The following DST variants were observed in gnomAD, a reference collection of about 807,000 sequenced individuals.
DST encodes dystonin.
DST carries 253 observed loss-of-function variants against 875.2 expected under a neutral mutation model. That is an observed-to-expected ratio of 0.29 (90% confidence interval 0.26 to 0.32). The LOEUF is 0.32. DST is among the 10% of genes least tolerant of loss of function. The probability of loss-of-function intolerance (pLI) is 1.00; values close to 1 mark genes in which losing one functional copy is unlikely to be tolerated. For missense variants in DST, 8,287 were observed against 9,111.6 expected (o/e 0.91, Z 3.68); for synonymous variants, 3,124 against 3,197.1 (o/e 0.98, Z 0.77).
chr6:56,868,196 C>T (rs1013182167), intron 3 of DST, among the ~76,000 whole-genome samples: 2 of 152,070 alleles, frequency 1.3e-5, no homozygotes, highest in African/African-American at 4.8e-5. Flanking sequence ...CTAAACATGG[C>T]ATATAAACAG....
chr6:56,734,925 T>A, intron 5 of DST: 2 of 259,974 alleles, frequency 7.7e-6, no homozygotes, highest in Non-Finnish European at 1.4e-5. Context: ...TTCCATGCAC[T>A]AACATATAAA....
Position 56,528,867 on chromosome 6 carries a change from C to A in DST, c.17654G>T (p.Gly5885Val). The change falls in exon 67 of 104, where the codon GGT becomes GTT. Residue 5885 changes from glycine (G) to valine (V), a missense_variant. Physicochemically the swap from Gly to Val is moderately radical, Grantham distance 109. Around this residue, in one of 10 missense-constraint regions of DST, gnomAD observed 777 missense variants for 764.8 expected, o/e 1.02. Coordinates refer to ENST00000680361, the MANE Select transcript of DST (RefSeq NM_001374736.1). Reference protein sequence around the residue: ...KQNVDQALLNGLELLKQTTGD... With the variant: ...KQNVDQALLNVLELLKQTTGD... The stretch of plus-strand genomic sequence containing the variant: ...TGTGGTTTGTTTAAGTAGTTCTAAA[C>A]CATTTAGTAAAGCCTGATCTACATT... The A allele has an allele frequency of 6.3e-7, 1 of 1,584,988 alleles. No individual in the cohort carries two copies. The highest frequency in any genetic ancestry group is 8.6e-7 in the Non-Finnish European group (1 of 1,163,322).
intron 4 of DST, among the ~76,000 whole-genome samples, chr6:56,839,483 T>A (rs1275601507): frequency 6.6e-6 from 1 of 152,206 alleles, no homozygotes; most frequent in East Asian, 1.9e-4. Flanking sequence ...CAGTTAAAGT[T>A]CATTTATTAT....
chr6:56,887,538 T>C (rs1406147295), intron 3 of DST, among the ~76,000 whole-genome samples: 1 of 152,210 alleles, frequency 6.6e-6, no homozygotes, highest in African/African-American at 2.4e-5. Context: ...GGGCTTTCTT[T>C]TCAGTCCTTT....
chr6:56,847,397 A>C (rs2099808305), intron 4 of DST, among the ~76,000 whole-genome samples: 1 of 152,236 alleles, frequency 6.6e-6, no homozygotes, highest in Non-Finnish European at 1.5e-5. Context: ...ATGACTTTCC[A>C]AACCGTAAAC....
intron 10 of DST, among the ~76,000 whole-genome samples, chr6:56,658,408 G>A (rs1330014929): frequency 1.3e-5 from 2 of 152,046 alleles, no homozygotes; most frequent in Non-Finnish European, 2.9e-5. Flanking sequence ...ACAGAAGTTA[G>A]AACAAAAATC....
At chr6:56,902,090 A>G (rs993494444) in intron 2 of DST, among the ~76,000 whole-genome samples, 1 of 152,368 alleles carries the variant, frequency 6.6e-6, no homozygotes, top group East Asian at 1.9e-4. Context: ...TATATTGAAG[A>G]CAAAGGAAAC....
chr6:56,849,246 C>T lies in DST; in HGVS notation c.625+2151G>A, dbSNP rs567408139. Among the ~76,000 whole-genome samples the T allele has an allele frequency of 3.3e-5, 5 of 149,820 alleles. No homozygotes were observed. In the South Asian group the frequency reaches 1.1e-3, roughly 32 times the overall value. On this transcript the variant is annotated intron_variant, in intron 4 of 103. Coordinates refer to ENST00000680361, the MANE Select transcript of DST (RefSeq NM_001374736.1). ...CTGCCTCCTGGGTTCAAGCAATTCTCCTGCCTCAGCCTCTAGAGTAACTGG... is the reference window on the plus strand; with the variant it reads ...CTGCCTCCTGGGTTCAAGCAATTCTTCTGCCTCAGCCTCTAGAGTAACTGG...
At chr6:56,613,700 T>A (rs539003969) in intron 37 of DST, among the ~76,000 whole-genome samples, 3 of 152,154 alleles carry the variant, frequency 2.0e-5, no homozygotes, top group African/African-American at 7.2e-5. Flanking sequence ...ACTACCAACA[T>A]CCTAAGAGCT....
chr6:56,511,335 CTG>C lies in DST; in HGVS notation c.18640_18641del (p.Gln6214ValfsTer27), dbSNP rs1562470350. On this transcript the variant is annotated frameshift_variant, in exon 73 of 104. Coordinates refer to ENST00000680361, the MANE Select transcript of DST (RefSeq NM_001374736.1). LOFTEE classifies it high-confidence loss of function. The stretch of plus-strand genomic sequence containing the variant: ...CTTCCCCAGGGCTCAATTCCAGTAA[CTG>C]TGGCCCAGTTTTGTTCATCTTATCT... Reference protein sequence around the residue: ...HIDKMNKTGPQLLELSPGEGF... With the variant: ...HIDKMNKTGPXLLELSPGEGF... The C allele has an allele frequency of 6.2e-7, 1 of 1,608,566 alleles. No homozygotes were observed. Among genetic ancestry groups the C allele is most frequent in the Non-Finnish European group, 8.5e-7 (1 of 1,177,382 alleles).
intron 4 of DST, among the ~76,000 whole-genome samples, chr6:56,745,480 C>T (rs1044404765): frequency 6.6e-6 from 1 of 151,912 alleles, no homozygotes; most frequent in Non-Finnish European, 1.5e-5. Flanking sequence ...AGAAATTATA[C>T]AATATTAGAA....
intron 61 of DST, among the ~76,000 whole-genome samples, chr6:56,544,391 T>A (rs2097188507): frequency 1.3e-5 from 2 of 152,198 alleles, no homozygotes; most frequent in South Asian, 4.1e-4. Context: ...ACTCTAACTC[T>A]GAATCATTAG....
At chr6:56,680,716 G>A (rs898538740) in intron 9 of DST, among the ~76,000 whole-genome samples, 1 of 152,022 alleles carries the variant, frequency 6.6e-6, no homozygotes, top group African/African-American at 2.4e-5. Flanking sequence ...TAGGCCTCAG[G>A]CCTCTTTCCT....
intron 3 of DST, among the ~76,000 whole-genome samples, chr6:56,899,544 G>A (rs868528281): frequency 1.3e-5 from 2 of 152,266 alleles, no homozygotes; most frequent in Non-Finnish European, 1.5e-5. Context: ...ACATTTTCAA[G>A]CCAAATCTTG....
In DST at chr6:56,780,125, T is replaced by C. The variant is rs540351835; in HGVS notation, c.626-44836A>G. 6.6e-5 allele frequency among the ~76,000 whole-genome samples: 10 copies of C among 152,038 alleles called. No individual in the cohort carries two copies. The South Asian group carries it at 1.9e-3, about 28-fold the overall frequency. On this transcript the variant is annotated intron_variant, in intron 4 of 103. Coordinates refer to ENST00000680361, the MANE Select transcript of DST (RefSeq NM_001374736.1). ...CACATATTCTGAATCCAGTCTATCATTGTTGGACATTTGGGTTGGTTCCAA... is the reference window on the plus strand; with the variant it reads ...CACATATTCTGAATCCAGTCTATCACTGTTGGACATTTGGGTTGGTTCCAA...
At chr6:56,642,341 AG>A (rs1359876286) in intron 16 of DST, 68 bp downstream of exon 16, 1 of 1,140,994 alleles carries the variant, frequency 8.8e-7, no homozygotes, top group Non-Finnish European at 1.3e-6. Flanking sequence ...ATTATGTAAA[AG>A]TTTTAGTTCA....
At chr6:56,643,847 C>T (rs536189860) in intron 15 of DST, among the ~76,000 whole-genome samples, 64 of 152,298 alleles carry the variant, frequency 4.2e-4, no homozygotes, top group Non-Finnish European at 8.2e-4. Flanking sequence ...AACAGAATAG[C>T]TCAAAACAAT....
chr6:56,758,769 G>A (rs1434679952), intron 4 of DST, among the ~76,000 whole-genome samples: 2 of 141,066 alleles, frequency 1.4e-5, no homozygotes, highest in East Asian at 3.9e-4. Flanking sequence ...CTTCAAGGTA[G>A]TCAAACTACT....
chr6:56,573,822 T>G lies in DST; in HGVS notation c.13093A>C (p.Ile4365Leu). 6.2e-7 allele frequency: 1 copy of G among 1,613,548 alleles called. No homozygotes were observed. The highest frequency in any genetic ancestry group is 8.5e-7 in the Non-Finnish European group (1 of 1,179,706). The change falls in exon 51 of 104, where the codon ATA becomes CTA. Residue 4365 changes from isoleucine (I) to leucine (L), a missense_variant. Physicochemically the swap from Ile to Leu is conservative, Grantham distance 5. This residue lies in a region of DST where 1,513 missense variants were observed against 1,677.8 expected (regional missense o/e 0.90). Transcript: ENST00000680361. ...ACACTCAGTGAACGGGTCAAGGTTATCTGGAGTTTTTCATTTCGTTCATTA... is the reference window on the plus strand; with the variant it reads ...ACACTCAGTGAACGGGTCAAGGTTAGCTGGAGTTTTTCATTTCGTTCATTA... ...SVNERNEKLQITLTRSLSVQD... is the reference protein window; with the variant it reads ...SVNERNEKLQLTLTRSLSVQD...
Sources: gnomAD v4.1 joint callset for allele counts (sites outside exome capture counted in the v4.1 genomes callset) on GRCh38, gnomAD v4.1.1 for gene constraint, gnomAD v4.1.1 regional missense constraint, MANE v1.5 for transcripts, NCBI Gene and HGNC (gene_info 2026-07-23, HGNC 2026-07-21) for gene names.